The following MGAM2 variants were observed in gnomAD, a reference collection of about 807,000 sequenced individuals.
The protein encoded by MGAM2 is probable maltase-glucoamylase 2.
In MGAM2, 98 loss-of-function variants were observed where a neutral mutation model predicts 96.1. That is an observed-to-expected ratio of 1.02 (90% CI 0.87 to 1.21). MGAM2 has a LOEUF of 1.21. MGAM2 is among the 50% of genes most tolerant of loss of function. The pLI is 0.00. For missense variants in MGAM2, 2,055 were observed against 1,182.4 expected (o/e 1.74, Z -10.82); for synonymous variants, 749 against 414.8 (o/e 1.81, Z -9.79).
intron 15 of MGAM2, among the ~76,000 whole-genome samples, chr7:142,149,838 G>A (rs1795513971): frequency 6.6e-6 from 1 of 152,112 alleles, no homozygotes. Flanking sequence ...ACCGCGCCCG[G>A]CCTTACTTGG....
At chr7:142,168,445 A>G (rs11514839) in intron 26 of MGAM2, among the ~76,000 whole-genome samples, 6,512 of 151,850 alleles carry the variant, frequency 0.043, 216 homozygotes, top group Non-Finnish European at 0.063. Flanking sequence ...AATTTTTTGT[A>G]TTTTAGTAGA....
At position 142,132,829 on chromosome 7, in the gene MGAM2, G is replaced by A. The variant is rs188931780; in HGVS notation, c.575+744G>A. On this transcript the variant is annotated intron_variant, in intron 6 of 47. Coordinates refer to ENST00000477922, the MANE Select transcript of MGAM2 (RefSeq NM_001293626.2). Reference sequence around the variant, plus strand: ...TGTATAATATAATATATAATTATAAGTAATATAATTATATAAATATATAGA... The same window carrying A: ...TGTATAATATAATATATAATTATAAATAATATAATTATATAAATATATAGA... Among the ~76,000 whole-genome samples, 1,160 of 123,676 alleles carry A rather than the reference G, an allele frequency of 9.4e-3. 23 individuals are homozygous for A. The highest frequency in any genetic ancestry group is 0.035 in the African/African-American group (1,080 of 31,016). 81.1% of individuals were successfully genotyped at this position (123,676 alleles called of 152,430 possible).
chr7:142,183,797 G>A (rs529064835), intron 33 of MGAM2, among the ~76,000 whole-genome samples: 22 of 151,686 alleles, frequency 1.5e-4, no homozygotes, highest in Admixed American at 2.6e-4. Context: ...CCTTTAATTC[G>A]TCTTTATGGC....
rs942037704 is a variant in MGAM2 at position 142,178,484 on chromosome 7, G to A, written c.3816+2704G>A. ...TTTTCTTCTAGGATTTTAATAATTT[G>A]AAGTCTGACATTTAAGTCTTTAATC... On this transcript the variant is annotated intron_variant, in intron 32 of 47. Coordinates refer to ENST00000477922, the MANE Select transcript of MGAM2 (RefSeq NM_001293626.2). Among the ~76,000 whole-genome samples, 15 of 150,758 alleles carry A rather than the reference G, an allele frequency of 9.9e-5. No homozygotes were observed. In the South Asian group the frequency reaches 2.9e-3, roughly 29 times the overall value.
rs151334585 is a variant in MGAM2, at chr7:142,139,878, T to C, written c.1087-924T>C. On this transcript the variant is annotated intron_variant, in intron 10 of 47. Transcript: ENST00000477922. ...ATTGTGTTTAATTTTACTTCTCCCATATCTATTATCTGCAAACATCCAATT... is the reference window on the plus strand; with the variant it reads ...ATTGTGTTTAATTTTACTTCTCCCACATCTATTATCTGCAAACATCCAATT... Among the ~76,000 whole-genome samples the C allele has an allele frequency of 4.2e-3, 636 of 152,128 alleles. 2 individuals carry two copies. The highest frequency in any genetic ancestry group is 0.015 in the African/African-American group (606 of 41,500).
chr7:142,135,853 AAGTATT>A (rs1795044037), intron 7 of MGAM2, among the ~76,000 whole-genome samples: 1 of 151,878 alleles, frequency 6.6e-6, no homozygotes, highest in African/African-American at 2.4e-5. Flanking sequence ...TTAACCACTT[AAGTATT>A]ATATGGTAAC....
chr7:142,187,947 T>C, intron 36 of MGAM2, 113 bp downstream of exon 36: 2 of 610,134 alleles, frequency 3.3e-6, no homozygotes, highest in Non-Finnish European at 5.9e-6. Context: ...TTCTCCAACA[T>C]GACATGAAAT....
intron 3 of MGAM2, among the ~76,000 whole-genome samples, chr7:142,130,566 CCTACCCCA>C: frequency 6.6e-6 from 1 of 152,316 alleles, no homozygotes; most frequent in South Asian, 2.1e-4. Context: ...GGAAGCTCTC[CCTACCCCA>C]CTCCACGCCT....
At chr7:142,207,275 T>G (rs1052970801) in intron 45 of MGAM2, among the ~76,000 whole-genome samples, 2 of 152,154 alleles carry the variant, frequency 1.3e-5, no homozygotes, top group African/African-American at 4.8e-5. Context: ...TTAGATTTTA[T>G]ATACTATGTC....
intron 32 of MGAM2, among the ~76,000 whole-genome samples, chr7:142,178,861 G>C (rs904689479): frequency 6.6e-6 from 1 of 152,034 alleles, no homozygotes. Context: ...TTTGGTTAGC[G>C]TGGCCATTGT....
chr7:142,157,629 A>T (rs1011146563), intron 17 of MGAM2, among the ~76,000 whole-genome samples: 3 of 152,098 alleles, frequency 2.0e-5, no homozygotes, highest in Admixed American at 2.0e-4. Context: ...TGACCTCGTG[A>T]TCTGCCTGGC....
intron 26 of MGAM2, among the ~76,000 whole-genome samples, chr7:142,168,727 T>C (rs546039175): frequency 1.3e-5 from 2 of 152,244 alleles, no homozygotes; most frequent in South Asian, 4.1e-4. Context: ...TTTTTAAATG[T>C]ATATTTTAAA....
At position 142,167,399 on chromosome 7, in the gene MGAM2, T is replaced by G; in HGVS notation, c.2940T>G (p.Ala980=). 1 of 703,008 alleles carries G rather than the reference T, an allele frequency of 1.4e-6. No homozygotes were observed. The highest frequency in any genetic ancestry group is 2.6e-6 in the Non-Finnish European group (1 of 384,996). 43.5% of individuals were successfully genotyped at this position (703,008 alleles called of 1,614,324 possible). A position where few individuals can be genotyped will look rare whatever the true frequency, so the allele number is the denominator to read the frequency against. Residue 980 remains alanine (A), a synonymous_variant, in exon 26 of 48, where the codon GCT becomes GCG. Transcript: ENST00000477922. ...LSLPMAPESA[A]AAASDSLSAK... is the part of the protein sequence containing the mutation. ...TCCCGATGGCCCCTGAGTCAGCTGC[T>G]GCTGCCGCCTCTGATTCTCTCTCTG... is the stretch of plus-strand genomic sequence containing the variant.
Position 142,192,738 on chromosome 7 carries a change from G to A in MGAM2, c.4346+3233G>A, listed in dbSNP as rs538699961. ...GCTTTTCACACATCTGCATCCCATC[G>A]CCATCTTTCTCTTCAGAGAAGCTTG... On this transcript the variant is annotated intron_variant, in intron 37 of 47. Transcript: ENST00000477922. Among the ~76,000 whole-genome samples, 71 of 152,120 alleles carry A rather than the reference G, an allele frequency of 4.7e-4. 1 individual carries two copies. Among genetic ancestry groups the A allele is most frequent in the African/African-American group, 1.1e-3 (47 of 41,516 alleles).
At chr7:142,195,870 G>A (rs1797017865) in intron 37 of MGAM2, among the ~76,000 whole-genome samples, 1 of 152,062 alleles carries the variant, frequency 6.6e-6, no homozygotes, top group Non-Finnish European at 1.5e-5. Context: ...TCCATAAATA[G>A]CTATATTACG....
At chr7:142,125,936 C>G (rs934492448) in intron 3 of MGAM2, among the ~76,000 whole-genome samples, 1 of 152,112 alleles carries the variant, frequency 6.6e-6, no homozygotes, top group African/African-American at 2.4e-5. Context: ...TTACTCCCCC[C>G]AGAATCACCC....
chr7:142,157,393 A>ATTT (rs11287092), intron 17 of MGAM2, among the ~76,000 whole-genome samples: 2 of 142,696 alleles, frequency 1.4e-5, no homozygotes, highest in Non-Finnish European at 3.1e-5. Flanking sequence ...ACAGACACCA[A>ATTT]TTTTTTTTTT....
At chr7:142,169,000 C>G (rs1796112379) in intron 26 of MGAM2, among the ~76,000 whole-genome samples, 1 of 152,142 alleles carries the variant, frequency 6.6e-6, no homozygotes, top group Non-Finnish European at 1.5e-5. Context: ...TCATGAATCA[C>G]TGGGGCAGCT....
rs116801213 is a variant in MGAM2, at chr7:142,165,468, C to T, written c.2652+445C>T. ...ACGCAAGGAGAAATCCAGTTTTGCT[C>T]TTACTGAATGATTCCCTTACACTGT... is the stretch of plus-strand genomic sequence containing the variant. On this transcript the variant is annotated intron_variant, in intron 24 of 47. Coordinates refer to ENST00000477922, the MANE Select transcript of MGAM2 (RefSeq NM_001293626.2). 8.1e-3 allele frequency among the ~76,000 whole-genome samples: 1,241 copies of T among 152,302 alleles called. 15 individuals are homozygous for T. The highest frequency in any genetic ancestry group is 0.028 in the African/African-American group (1,179 of 41,570).
Sources: gnomAD v4.1 joint callset for allele counts (sites outside exome capture counted in the v4.1 genomes callset) on GRCh38, gnomAD v4.1.1 for gene constraint, MANE v1.5 for transcripts, NCBI Gene and HGNC (gene_info 2026-07-23, HGNC 2026-07-21) for gene names.